Variants in CDH18 observed in about 807,000 individuals in gnomAD.
CDH18 encodes cadherin-18.
A neutral mutation model predicts 67.9 loss-of-function variants in CDH18; 31 were observed. The ratio of observed to expected loss-of-function variants is 0.46; its 90% CI spans 0.34 to 0.62. The LOEUF is 0.62. Among genes scored for constraint, CDH18 ranks in the 20% least tolerant of loss-of-function variants. The probability of loss-of-function intolerance (pLI) is 0.01; values close to 1 mark genes in which losing one functional copy is unlikely to be tolerated. For missense variants in CDH18, 890 were observed against 975.5 expected (o/e 0.91, Z 1.17); for synonymous variants, 362 against 347.2 (o/e 1.04, Z -0.48).
At chr5:19,865,367 A>C (rs1785372215) in intron 2 of CDH18, among the ~76,000 whole-genome samples, 1 of 152,142 alleles carries the variant, frequency 6.6e-6, no homozygotes, top group Non-Finnish European at 1.5e-5. Context: ...AAGATGCACA[A>C]AAAATATAGT....
At chr5:20,532,222 C>T (rs191521900) in intron 1 of CDH18, among the ~76,000 whole-genome samples, 48 of 152,100 alleles carry the variant, frequency 3.2e-4, no homozygotes, top group African/African-American at 1.2e-3. Flanking sequence ...GTACAATATC[C>T]AAAATGTGTG....
At chr5:20,160,429 A>C (rs1751888006) in intron 2 of CDH18, among the ~76,000 whole-genome samples, 1 of 152,132 alleles carries the variant, frequency 6.6e-6, no homozygotes, top group Admixed American at 6.5e-5. Flanking sequence ...CCAACCAAAA[A>C]ATTTCAACAT....
intron 2 of CDH18, among the ~76,000 whole-genome samples, chr5:20,194,261 C>G (rs187788078): frequency 6.6e-6 from 1 of 152,208 alleles, no homozygotes; most frequent in East Asian, 1.9e-4. Flanking sequence ...GCAACTTCAG[C>G]AAAGTCTCAG....
At chr5:19,479,469 TC>T (rs1473484159) in intron 12 of CDH18, among the ~76,000 whole-genome samples, 3 of 152,218 alleles carry the variant, frequency 2.0e-5, no homozygotes, top group Non-Finnish European at 4.4e-5. Context: ...CTAGATACTT[TC>T]TGAATAACAA....
At chr5:20,052,693 C>T (rs78890553) in intron 2 of CDH18, among the ~76,000 whole-genome samples, 2,325 of 152,062 alleles carry the variant, frequency 0.015, 64 homozygotes, top group African/African-American at 0.053. Context: ...ATATCAGTAA[C>T]AGCTCTTATT....
At chr5:20,267,998 A>G (rs1745168067) in intron 1 of CDH18, among the ~76,000 whole-genome samples, 2 of 152,166 alleles carry the variant, frequency 1.3e-5, no homozygotes, top group Non-Finnish European at 1.5e-5. Context: ...TCCCATCTTG[A>G]TATCAAGTGT....
At chr5:20,109,621 G>T (rs946997177) in intron 2 of CDH18, among the ~76,000 whole-genome samples, 2 of 152,088 alleles carry the variant, frequency 1.3e-5, no homozygotes, top group Non-Finnish European at 2.9e-5. Context: ...TTCCCCTAAG[G>T]CTGTGTTTAT....
chr5:20,007,678 T>C (rs1460600583), intron 2 of CDH18, among the ~76,000 whole-genome samples: 6 of 108,896 alleles, frequency 5.5e-5, no homozygotes, highest in African/African-American at 3.3e-4. Flanking sequence ...GGAAAGTGTG[T>C]GTGTGTGTGT....
intron 2 of CDH18, among the ~76,000 whole-genome samples, chr5:19,971,519 C>G (rs780179117): frequency 8.6e-5 from 13 of 152,042 alleles, no homozygotes; most frequent in South Asian, 4.1e-4. Context: ...ATTTGCGAAA[C>G]TTGGTACATC....
chr5:19,537,601 T>G (rs527559545), intron 9 of CDH18, among the ~76,000 whole-genome samples: 1 of 152,180 alleles, frequency 6.6e-6, no homozygotes, highest in South Asian at 2.1e-4. Context: ...CAAGACTGAA[T>G]CCATGCATTA....
At chr5:20,273,222 G>A (rs1291190292) in intron 1 of CDH18, among the ~76,000 whole-genome samples, 1 of 151,880 alleles carries the variant, frequency 6.6e-6, no homozygotes, top group Admixed American at 6.6e-5. Flanking sequence ...AGAAATATCG[G>A]GACCTAGCAT....
intron 2 of CDH18, among the ~76,000 whole-genome samples, chr5:20,077,866 A>G (rs1455354877): frequency 3.3e-5 from 5 of 152,072 alleles, no homozygotes; most frequent in Non-Finnish European, 7.4e-5. Flanking sequence ...TTTCACTACA[A>G]TGTTATGTCT....
chr5:20,238,227 G>A (rs1742624303), intron 2 of CDH18, among the ~76,000 whole-genome samples: 1 of 151,962 alleles, frequency 6.6e-6, no homozygotes, highest in Non-Finnish European at 1.5e-5. Flanking sequence ...GATATATAAG[G>A]TTCAACTTCA....
chr5:19,913,071 A>G (rs1424892597), intron 2 of CDH18, among the ~76,000 whole-genome samples: 2 of 152,154 alleles, frequency 1.3e-5, no homozygotes, highest in Non-Finnish European at 2.9e-5. Context: ...AGAAAGAATC[A>G]AGAAAAATGA....
chr5:19,935,598 A>T (rs567795727), intron 2 of CDH18, among the ~76,000 whole-genome samples: 1 of 151,426 alleles, frequency 6.6e-6, no homozygotes, highest in East Asian at 1.9e-4. Flanking sequence ...GGGTTTGTTT[A>T]AGCACATTCT....
At chr5:19,830,412 C>T (rs1214908918) in intron 3 of CDH18, among the ~76,000 whole-genome samples, 1 of 151,896 alleles carries the variant, frequency 6.6e-6, no homozygotes, top group East Asian at 1.9e-4. Context: ...AAGACATATA[C>T]CCAGCCAACA....
intron 2 of CDH18, among the ~76,000 whole-genome samples, chr5:20,084,675 A>G (rs1246623964): frequency 1.3e-5 from 2 of 152,168 alleles, no homozygotes; most frequent in Non-Finnish European, 2.9e-5. Context: ...AAATCTAGGC[A>G]GAGGTTCCCA....
At chr5:20,419,065 T>A (rs995347614) in intron 1 of CDH18, among the ~76,000 whole-genome samples, 1 of 152,086 alleles carries the variant, frequency 6.6e-6, no homozygotes, top group Non-Finnish European at 1.5e-5. Flanking sequence ...TCACGTGTTG[T>A]GGGTGGGACC....
chr5:20,298,394 C>T (rs531694717), intron 1 of CDH18, among the ~76,000 whole-genome samples: 70 of 152,092 alleles, frequency 4.6e-4, no homozygotes, highest in Middle Eastern at 3.4e-3. Context: ...AAATCGAGAC[C>T]GGTAAAGGAA....
Sources: allele counts gnomAD v4.1 joint callset (sites outside exome capture counted in the v4.1 genomes callset), GRCh38; gene constraint gnomAD v4.1.1; transcripts MANE v1.5; gene names NCBI Gene and HGNC (gene_info 2026-07-23, HGNC 2026-07-21).